The following ATXN7 variants were observed in gnomAD, a reference collection of about 807,000 sequenced individuals.
The protein encoded by ATXN7 is ataxin-7.
In ATXN7, 12 loss-of-function variants were observed where a neutral mutation model predicts 70.5. The observed-to-expected ratio is 0.17, with a 90% confidence interval of 0.11 to 0.28. The LOEUF is 0.28. Among genes scored for constraint, ATXN7 ranks in the 10% least tolerant of loss-of-function variants. ATXN7 has a pLI of 1.00. For missense variants in ATXN7, 1,256 were observed against 1,131.7 expected, an observed-to-expected ratio of 1.11 and a Z score of -1.58; for synonymous variants, 498 against 448.7, an observed-to-expected ratio of 1.11 and a Z score of -1.39.
intron 4 of ATXN7, among the ~76,000 whole-genome samples, chr3:63,929,028 T>C (rs538442071): frequency 6.6e-6 from 1 of 152,236 alleles, no homozygotes; most frequent in East Asian, 1.9e-4. Flanking sequence ...GTAGGGTATA[T>C]AGTTTGTAGA....
intron 5 of ATXN7, among the ~76,000 whole-genome samples, chr3:63,959,768 G>A (rs1223613123): frequency 6.6e-6 from 1 of 152,076 alleles, no homozygotes; most frequent in Admixed American, 6.5e-5. Context: ...GATATAAAAT[G>A]TACTTATTTT....
At chr3:63,892,020 A>G (rs1703282143) in intron 1 of ATXN7, among the ~76,000 whole-genome samples, 1 of 152,172 alleles carries the variant, frequency 6.6e-6, no homozygotes, top group Non-Finnish European at 1.5e-5. Flanking sequence ...CTCACTTACA[A>G]GTATTCTTTG....
At position 63,913,241 on chromosome 3, in the gene ATXN7, C is replaced by A; in HGVS notation, c.394+16C>A. 2 of 1,612,214 alleles carry A rather than the reference C, an allele frequency of 1.2e-6. No individual in the cohort carries two copies. Among genetic ancestry groups the A allele is most frequent in the Non-Finnish European group, 1.7e-6 (2 of 1,178,584 alleles). ...TGTCGGGAAGGTGAGTCCAGCCCCC[C>A]TGATGGAGTTTGTACAAACCCCTGG... On this transcript the variant is annotated intron_variant, in intron 4 of 12. Coordinates refer to ENST00000674280, the MANE Select transcript of ATXN7 (RefSeq NM_001377405.1).
intron 2 of ATXN7, among the ~76,000 whole-genome samples, chr3:63,907,486 G>A (rs1392401426): frequency 7.0e-6 from 1 of 143,190 alleles, no homozygotes. Context: ...TTGTAACAGG[G>A]TCTTGTTCTG....
intron 1 of ATXN7, among the ~76,000 whole-genome samples, chr3:63,884,239 ACATACTCT>A (rs1703008618): frequency 3.1e-5 from 3 of 95,390 alleles, no homozygotes; most frequent in African/African-American, 1.1e-4. Flanking sequence ...ACACACACAC[ACATACTCT>A]CACACACACA....
chr3:63,936,953 A>G (rs562491002), intron 4 of ATXN7, among the ~76,000 whole-genome samples: 9 of 152,222 alleles, frequency 5.9e-5, no homozygotes, highest in Non-Finnish European at 1.0e-4. Context: ...AATGACCACA[A>G]TCTAATTTGT....
intron 12 of ATXN7, chr3:63,997,928 G>A: frequency 1.0e-6 from 1 of 985,360 alleles, no homozygotes; most frequent in Non-Finnish European, 1.2e-6. Flanking sequence ...TTGGCATTCT[G>A]ATCATGGGAT....
intron 4 of ATXN7, among the ~76,000 whole-genome samples, chr3:63,918,928 T>A (rs1704395808): frequency 6.6e-6 from 1 of 152,158 alleles, no homozygotes; most frequent in South Asian, 2.1e-4. Context: ...TAGATGAGAA[T>A]CAGCGTGGCC....
chr3:63,996,527 T>C, intron 12 of ATXN7, 44 bp downstream of exon 12: 1 of 1,577,648 alleles, frequency 6.3e-7, no homozygotes, highest in Non-Finnish European at 8.6e-7. Flanking sequence ...CCATTTCTTC[T>C]CCCTTAAGAT....
intron 4 of ATXN7, among the ~76,000 whole-genome samples, chr3:63,913,430 T>C (rs914955015): frequency 3.9e-5 from 6 of 152,174 alleles, no homozygotes; most frequent in African/African-American, 1.4e-4. Context: ...CCGGAATCCT[T>C]CTGTGACCAG....
intron 12 of ATXN7, chr3:63,998,093 A>G (rs774350915): frequency 1.8e-5 from 18 of 984,704 alleles, no homozygotes; most frequent in Middle Eastern, 5.2e-4. Context: ...CGGAAGGGGC[A>G]TTCCATTGTG....
chr3:63,919,549 G>T (rs1326244694), intron 4 of ATXN7, among the ~76,000 whole-genome samples: 1 of 151,984 alleles, frequency 6.6e-6, no homozygotes, highest in Non-Finnish European at 1.5e-5. Context: ...GAGTAGAAAT[G>T]GTTTCACATA....
chr3:63,883,222 A>G (rs1232098072), intron 1 of ATXN7, among the ~76,000 whole-genome samples: 3 of 152,232 alleles, frequency 2.0e-5, no homozygotes, highest in Non-Finnish European at 4.4e-5. Context: ...GGCTCAGTAA[A>G]TGTTTATTGA....
chr3:63,975,445 A>G (rs1303645884), intron 5 of ATXN7, among the ~76,000 whole-genome samples: 1 of 152,250 alleles, frequency 6.6e-6, no homozygotes, highest in African/African-American at 2.4e-5. Flanking sequence ...ACCACTTTTT[A>G]AAAAGCTTGA....
At chr3:63,864,939 A>G (rs1702362362) in intron 1 of ATXN7, 1 of 152,146 alleles carries the variant, frequency 6.6e-6, no homozygotes, top group South Asian at 2.1e-4. Context: ...AGTGCAGCTG[A>G]TTTGACCTCC....
upstream of ATXN7, chr3:63,863,650 C>A: frequency 1.6e-6 from 2 of 1,215,606 alleles, no homozygotes; most frequent in South Asian, 3.7e-5. Flanking sequence ...AAGGCCGAAG[C>A]GCTCTGGCGA....
intron 5 of ATXN7, among the ~76,000 whole-genome samples, chr3:63,960,920 G>C (rs1174374089): frequency 6.6e-6 from 1 of 151,992 alleles, no homozygotes; most frequent in Non-Finnish European, 1.5e-5. Flanking sequence ...GGAAACAAAA[G>C]ATACTGTGTG....
chr3:63,863,496 C>T (rs142023103), upstream of ATXN7: 8 of 1,179,588 alleles, frequency 6.8e-6, no homozygotes, highest in Non-Finnish European at 8.4e-6. Context: ...ACCACGCTCC[C>T]GGCACACCCT....
intron 5 of ATXN7, among the ~76,000 whole-genome samples, chr3:63,975,655 TTAATAC>T (rs2075378481): frequency 6.6e-6 from 1 of 152,222 alleles, no homozygotes; most frequent in Non-Finnish European, 1.5e-5. Flanking sequence ...TACCTGGATG[TTAATAC>T]TTATAACTTT....
Sources: gnomAD v4.1 joint callset for allele counts (sites outside exome capture counted in the v4.1 genomes callset) on GRCh38, gnomAD v4.1.1 for gene constraint, MANE v1.5 for transcripts, NCBI Gene and HGNC (gene_info 2026-07-23, HGNC 2026-07-21) for gene names.